Variants in ZNF423 observed in about 807,000 individuals in gnomAD.
The protein encoded by ZNF423 is Ebf-associated zinc finger protein.
In ZNF423, 12 loss-of-function variants were observed where a neutral mutation model predicts 95.8. The ratio of observed to expected loss-of-function variants is 0.13; its 90% confidence interval spans 0.08 to 0.20. ZNF423 has a LOEUF of 0.20. Among genes scored for constraint, ZNF423 ranks in the 10% least tolerant of loss-of-function variants. The pLI is 1.00. For synonymous variants in ZNF423, 749 were observed against 711.9 expected (o/e 1.05, Z -0.83); for missense variants, 1,316 against 1,737.1 (o/e 0.76, Z 4.31).
intron 1 of ZNF423, among the ~76,000 whole-genome samples, chr16:49,814,268 C>A (rs2034801198): frequency 6.6e-6 from 1 of 152,094 alleles, no homozygotes; most frequent in African/African-American, 2.4e-5. Context: ...CATCTGCCTT[C>A]CCGTGGGCTC....
chr16:49,650,476 G>T (rs951908880), intron 3 of ZNF423, among the ~76,000 whole-genome samples: 1 of 152,202 alleles, frequency 6.6e-6, no homozygotes, highest in Admixed American at 6.5e-5. Context: ...ATCATTCATC[G>T]TAAATCCCAT....
In ZNF423 at chr16:49,492,482, C is replaced by T. The variant is rs896371259; in HGVS notation, c.3850-1178G>A. 2.0e-4 allele frequency among the ~76,000 whole-genome samples: 29 copies of T among 145,038 alleles called. 1 individual carries two copies. Among genetic ancestry groups the T allele is most frequent in the Admixed American group, 1.2e-3 (18 of 15,006 alleles). ...CTCGCCCGGAGGCCGAGGCCGGGGC[C>T]GGGGCCGGGGCCGGGGCCGAGACGG... is the stretch of plus-strand genomic sequence containing the variant. On this transcript the variant is annotated intron_variant, in intron 7 of 7. Transcript: ENST00000563137. The surrounding 1 kb of genome is among the most constrained non-coding windows in gnomAD (Gnocchi z 4.2).
chr16:49,549,268 G>A (rs1045967792), intron 5 of ZNF423, among the ~76,000 whole-genome samples: 4 of 152,190 alleles, frequency 2.6e-5, no homozygotes, highest in African/African-American at 9.7e-5. Flanking sequence ...ACTGAGGGTG[G>A]GAACAGGCAG....
At chr16:49,812,502 C>T (rs1324207970) in intron 1 of ZNF423, among the ~76,000 whole-genome samples, 1 of 152,012 alleles carries the variant, frequency 6.6e-6, no homozygotes, top group African/African-American at 2.4e-5. Context: ...CAAGACCAGC[C>T]CAGGCAACAT....
At chr16:49,844,956 AC>A (rs1244361820) in intron 1 of ZNF423, among the ~76,000 whole-genome samples, 1 of 143,370 alleles carries the variant, frequency 7.0e-6, no homozygotes. Context: ...AATCATTTGA[AC>A]CCAGGAGGCA....
intron 5 of ZNF423, among the ~76,000 whole-genome samples, chr16:49,550,137 G>A (rs1969582687): frequency 6.6e-6 from 1 of 152,124 alleles, no homozygotes; most frequent in South Asian, 2.1e-4. Flanking sequence ...CAAAGTGCTG[G>A]GATTATAGGG....
chr16:49,582,538 C>G (rs945094799), intron 5 of ZNF423, among the ~76,000 whole-genome samples: 6 of 152,128 alleles, frequency 3.9e-5, no homozygotes, highest in African/African-American at 1.4e-4. Context: ...CAGTGCAAAC[C>G]TAAAAGCGAA....
chr16:49,820,592 T>C (rs1401641355), intron 1 of ZNF423, among the ~76,000 whole-genome samples: 1 of 152,198 alleles, frequency 6.6e-6, no homozygotes, highest in Non-Finnish European at 1.5e-5. Context: ...TGCTCTAAAA[T>C]AGATTTTGTG....
chr16:49,789,388 G>C, intron 2 of ZNF423, 99 bp downstream of exon 2: 1 of 1,212,172 alleles, frequency 8.2e-7, no homozygotes, highest in Admixed American at 2.6e-5. Flanking sequence ...AATGTGACAC[G>C]AAGAATATCA....
chr16:49,529,816 G>A (rs773968142), intron 5 of ZNF423, among the ~76,000 whole-genome samples: 21 of 152,044 alleles, frequency 1.4e-4, no homozygotes, highest in Admixed American at 2.6e-4. Flanking sequence ...GGGTGTGGAC[G>A]GGGCATTGTT....
At chr16:49,707,325 G>T (rs551537700) in intron 3 of ZNF423, among the ~76,000 whole-genome samples, 1 of 152,224 alleles carries the variant, frequency 6.6e-6, no homozygotes, top group South Asian at 2.1e-4. Context: ...ATACAGAAAA[G>T]AGCATTTGTC....
chr16:49,800,165 C>A (rs1284219550), intron 1 of ZNF423, among the ~76,000 whole-genome samples: 1 of 152,010 alleles, frequency 6.6e-6, no homozygotes, highest in Non-Finnish European at 1.5e-5. Flanking sequence ...ATGCACTTGA[C>A]CCTGGGAGGC....
intron 1 of ZNF423, among the ~76,000 whole-genome samples, chr16:49,808,662 G>A (rs994552193): frequency 6.6e-6 from 1 of 152,206 alleles, no homozygotes; most frequent in African/African-American, 2.4e-5. Context: ...AGAGGACAGT[G>A]GGAGGGGCGG....
chr16:49,674,310 G>A (rs985707256), intron 3 of ZNF423, among the ~76,000 whole-genome samples: 1 of 152,142 alleles, frequency 6.6e-6, no homozygotes, highest in Admixed American at 6.5e-5. Flanking sequence ...AAGTGTCACC[G>A]AGTGCCTAAG....
At position 49,638,343 on chromosome 16, in the gene ZNF423, T is replaced by C; in HGVS notation, c.833A>G (p.Asp278Gly). ...KDDFMCDYCE[D>G]TFSQTEELEK... is the part of the protein sequence containing the mutation. ...CAGCTCCTCCGTCTGGCTGAAGGTGTCCTCGCAGTAGTCGCACATGAAGTC... is the reference window on the plus strand; with the variant it reads ...CAGCTCCTCCGTCTGGCTGAAGGTGCCCTCGCAGTAGTCGCACATGAAGTC... The change falls in exon 4 of 8, where the codon GAC becomes GGC. Residue 278 changes from aspartate to glycine, a missense_variant. By Grantham distance (94) the Asp-to-Gly change is moderately conservative (BLOSUM62 -1). Transcript: ENST00000563137. This position sits in a 1 kb window ranked among gnomAD's most constrained non-coding sequence, Gnocchi z 5.6. 1.2e-6 allele frequency: 2 copies of C among 1,614,074 alleles called. No homozygotes were observed. The highest frequency in any genetic ancestry group is 1.7e-6 in the Non-Finnish European group (2 of 1,180,038).
At chr16:49,597,502 T>A (rs1389042409) in intron 5 of ZNF423, among the ~76,000 whole-genome samples, 1 of 152,236 alleles carries the variant, frequency 6.6e-6, no homozygotes, top group African/African-American at 2.4e-5. Flanking sequence ...AAAAGTATAC[T>A]CTTTAATTTC....
chr16:49,515,518 GCTTAA>G (rs975694814), intron 7 of ZNF423, among the ~76,000 whole-genome samples: 113 of 152,316 alleles, frequency 7.4e-4, no homozygotes, highest in African/African-American at 2.6e-3. Context: ...TCGGCAAACC[GCTTAA>G]CTTCTCAGAG....
chr16:49,491,325 G>C (rs530104828), intron 7 of ZNF423, 21 bp from the exon 8 acceptor site: 1 of 1,613,894 alleles, frequency 6.2e-7, no homozygotes, highest in African/African-American at 1.3e-5. Context: ...GAAGAAAGGA[G>C]ACACACATGA....
intron 1 of ZNF423, among the ~76,000 whole-genome samples, chr16:49,846,299 CAAAAA>C (rs11338195): frequency 1.3e-5 from 1 of 76,362 alleles, no homozygotes; most frequent in Non-Finnish European, 2.5e-5. Flanking sequence ...GACTCTGTCT[CAAAAA>C]AAAAAAAAAA....
Sources: gnomAD v4.1 joint callset for allele counts (sites outside exome capture counted in the v4.1 genomes callset) on GRCh38, gnomAD v4.1.1 for gene constraint, Gnocchi (gnomAD v3.1) non-coding constraint, MANE v1.5 for transcripts, NCBI Gene and HGNC (gene_info 2026-07-23, HGNC 2026-07-21) for gene names.